The following SPIDR variants were observed in gnomAD, a reference collection of about 807,000 sequenced individuals.
SPIDR encodes scaffold protein involved in DNA repair, also known as DNA repair-scaffolding protein.
A neutral mutation model predicts 104.6 loss-of-function variants in SPIDR; 93 were observed. The observed-to-expected ratio is 0.89, with a 90% CI of 0.75 to 1.06. The LOEUF is 1.06. SPIDR is among the 50% of genes least tolerant of loss of function. The probability of loss-of-function intolerance (pLI) is 0.00; values close to 1 mark genes in which losing one functional copy is unlikely to be tolerated. For missense variants in SPIDR, 1,154 were observed against 1,111.2 expected (o/e 1.04, Z -0.55); for synonymous variants, 431 against 416.9 (o/e 1.03, Z -0.41).
intron 8 of SPIDR, among the ~76,000 whole-genome samples, chr8:47,539,211 C>CT (rs1393401873): frequency 6.6e-6 from 1 of 152,090 alleles, no homozygotes; most frequent in African/African-American, 2.4e-5. Context: ...GATAAAGAGA[C>CT]TAGAAACTAC....
At position 47,329,802 on chromosome 8, in the gene SPIDR, G is replaced by A. The variant is rs574429070; in HGVS notation, c.525+35772G>A. Among the ~76,000 whole-genome samples the A allele has an allele frequency of 7.4e-4, 112 of 152,034 alleles. 1 individual carries two copies. Among genetic ancestry groups the A allele is most frequent in the Non-Finnish European group, 1.4e-3 (92 of 67,940 alleles). On this transcript the variant is annotated intron_variant, in intron 5 of 19. Transcript: ENST00000297423. ...TTTACCATTTTTTGTTCTCTTCATT[G>A]GTTCCTATGGAATCCTGTTACCATC...
intron 8 of SPIDR, among the ~76,000 whole-genome samples, chr8:47,446,279 A>G (rs1340848957): frequency 1.3e-5 from 2 of 152,226 alleles, no homozygotes; most frequent in Admixed American, 1.3e-4. Flanking sequence ...GAATTATGCT[A>G]AATCTACTCG....
In SPIDR at chr8:47,368,593, C is replaced by T. The variant is rs142304654; in HGVS notation, c.526-27783C>T. On this transcript the variant is annotated intron_variant, in intron 5 of 19. Transcript: ENST00000297423. ...ATGTTTTTCATGCTTGCCTTCAATG[C>T]GCATGTCTTTTCTGCGCAGAAGTGG... is the stretch of plus-strand genomic sequence containing the variant. Among the ~76,000 whole-genome samples the T allele has an allele frequency of 1.8e-4, 28 of 152,076 alleles. No individual in the cohort carries two copies. The East Asian group carries it at 4.3e-3, about 23-fold the overall frequency.
chr8:47,389,403 T>C (rs1041866912), intron 5 of SPIDR, among the ~76,000 whole-genome samples: 1 of 152,080 alleles, frequency 6.6e-6, no homozygotes, highest in Non-Finnish European at 1.5e-5. Context: ...AGGATAAAAG[T>C]TTCCGGCCGG....
intron 5 of SPIDR, among the ~76,000 whole-genome samples, chr8:47,324,808 A>G (rs1039875434): frequency 6.6e-6 from 1 of 152,184 alleles, no homozygotes; most frequent in Non-Finnish European, 1.5e-5. Flanking sequence ...ATGATAAAGT[A>G]CTACATACTG....
At chr8:47,533,979 T>C (rs2086480489) in intron 8 of SPIDR, among the ~76,000 whole-genome samples, 1 of 152,192 alleles carries the variant, frequency 6.6e-6, no homozygotes, top group African/African-American at 2.4e-5. Context: ...AATCCCCACG[T>C]GTCAAGGGCG....
chr8:47,510,416 G>C (rs1457557904), intron 8 of SPIDR, among the ~76,000 whole-genome samples: 1 of 152,176 alleles, frequency 6.6e-6, no homozygotes, highest in Non-Finnish European at 1.5e-5. Flanking sequence ...GTCCATGCCT[G>C]CAAGTTTATT....
chr8:47,361,854 G>A (rs2056036823), intron 5 of SPIDR, among the ~76,000 whole-genome samples: 1 of 152,198 alleles, frequency 6.6e-6, no homozygotes, highest in Non-Finnish European at 1.5e-5. Context: ...TGGTTTGAGA[G>A]AACAGGCCCT....
intron 1 of SPIDR, among the ~76,000 whole-genome samples, chr8:47,272,142 A>T (rs2035464328): frequency 1.3e-5 from 2 of 151,878 alleles, no homozygotes; most frequent in East Asian, 3.9e-4. Context: ...TAGTTTTTGT[A>T]TTTTTAGTGA....
chr8:47,315,704 G>A (rs1286060732), intron 5 of SPIDR, among the ~76,000 whole-genome samples: 1 of 152,122 alleles, frequency 6.6e-6, no homozygotes, highest in African/African-American at 2.4e-5. Flanking sequence ...TATAAATGGA[G>A]CAGAACAGAT....
chr8:47,557,460 G>A (rs1192312534), intron 8 of SPIDR, among the ~76,000 whole-genome samples: 3 of 152,182 alleles, frequency 2.0e-5, no homozygotes, highest in African/African-American at 7.2e-5. Context: ...AGTCTTTCAT[G>A]CTAATCTGTG....
Position 47,288,880 on chromosome 8 carries a change from G to A in SPIDR, c.257-2153G>A, listed in dbSNP as rs986562290. On this transcript the variant is annotated intron_variant, in intron 3 of 19. Coordinates refer to ENST00000297423, the MANE Select transcript of SPIDR (RefSeq NM_001080394.4). ...GTCAGTGAATCCTCTTTTCCTGATC[G>A]ATGCAAAGTGGAACATTCCATTTTT... 1.6e-4 allele frequency among the ~76,000 whole-genome samples: 24 copies of A among 152,242 alleles called. No individual in the cohort carries two copies. In the South Asian group the frequency reaches 4.4e-3, roughly 28 times the overall value.
At chr8:47,443,463 C>T (rs548970007) in intron 8 of SPIDR, among the ~76,000 whole-genome samples, 21 of 148,990 alleles carry the variant, frequency 1.4e-4, no homozygotes, top group African/African-American at 4.7e-4. Context: ...CCCAGCTACT[C>T]GGGAGGCAAA....
chr8:47,456,956 A>G (rs976156195), intron 8 of SPIDR, among the ~76,000 whole-genome samples: 1 of 152,172 alleles, frequency 6.6e-6, no homozygotes, highest in Admixed American at 6.6e-5. Context: ...ATGGCTGAGT[A>G]GTATTCCATG....
intron 1 of SPIDR, among the ~76,000 whole-genome samples, chr8:47,269,906 A>G (rs1017056343): frequency 4.6e-4 from 70 of 152,304 alleles, no homozygotes; most frequent in South Asian, 1.0e-3. Flanking sequence ...CCTACATCTA[A>G]TTGAGACAAT....
chr8:47,291,263 A>G, intron 4 of SPIDR, 126 bp downstream of exon 4: 2 of 559,554 alleles, frequency 3.6e-6, no homozygotes, highest in Non-Finnish European at 6.1e-6. Context: ...TATTGGATTT[A>G]ATATTGGAAG....
intron 8 of SPIDR, among the ~76,000 whole-genome samples, chr8:47,458,078 T>G (rs1554710884): frequency 6.6e-6 from 1 of 152,128 alleles, no homozygotes; most frequent in African/African-American, 2.4e-5. Context: ...CTATGTGGGC[T>G]CTTTGGTAAA....
intron 5 of SPIDR, among the ~76,000 whole-genome samples, chr8:47,359,129 C>T (rs1369733373): frequency 6.6e-6 from 1 of 151,704 alleles, no homozygotes; most frequent in Non-Finnish European, 1.5e-5. Flanking sequence ...GCCTGTAGTC[C>T]CAGCTACTCG....
chr8:47,684,252 T>G (rs1295359705), intron 11 of SPIDR, among the ~76,000 whole-genome samples: 1 of 152,132 alleles, frequency 6.6e-6, no homozygotes, highest in Non-Finnish European at 1.5e-5. Context: ...AGTGACTTTA[T>G]TCTTCCTCCC....
Sources: allele counts gnomAD v4.1 joint callset (sites outside exome capture counted in the v4.1 genomes callset), GRCh38; gene constraint gnomAD v4.1.1; transcripts MANE v1.5; gene names NCBI Gene and HGNC (gene_info 2026-07-23, HGNC 2026-07-21).